Variants in RELN observed in about 807,000 individuals in gnomAD.
RELN encodes the protein reelin.
A neutral mutation model predicts 427.6 loss-of-function variants in RELN; 108 were observed. That is an observed-to-expected ratio of 0.25 (90% CI 0.22 to 0.30). The LOEUF (loss-of-function observed/expected upper bound fraction) is 0.30, where lower values mean the gene tolerates loss of function less well. Among genes scored for constraint, RELN ranks in the 10% least tolerant of loss-of-function variants. The pLI is 1.00. For synonymous variants in RELN, 1,524 were observed against 1,513.4 expected (o/e 1.01, Z -0.16); for missense variants, 3,715 against 4,302.8 (o/e 0.86, Z 3.82).
At chr7:103,827,587 T>C (rs1197408398) in intron 3 of RELN, among the ~76,000 whole-genome samples, 2 of 151,998 alleles carry the variant, frequency 1.3e-5, no homozygotes, top group African/African-American at 4.8e-5. Context: ...CATTAGACCC[T>C]GAACTTAGGC....
At chr7:103,694,816 T>C (rs1444400739) in intron 10 of RELN, among the ~76,000 whole-genome samples, 1 of 136,884 alleles carries the variant, frequency 7.3e-6, no homozygotes, top group Non-Finnish European at 1.6e-5. Context: ...TGCACCACCA[T>C]GCCTGGCTAG....
At chr7:103,909,684 AATAAAT>A (rs1795299813) in intron 2 of RELN, among the ~76,000 whole-genome samples, 1 of 75,124 alleles carries the variant, frequency 1.3e-5, no homozygotes, top group African/African-American at 7.2e-5. Context: ...AAATATATTT[AATAAAT>A]ATATATATTT....
chr7:103,705,204 A>G (rs897276908), intron 8 of RELN, among the ~76,000 whole-genome samples: 3 of 152,200 alleles, frequency 2.0e-5, no homozygotes, highest in African/African-American at 7.2e-5. Context: ...GCCAATTAAC[A>G]TATCCATCAC....
chr7:103,874,976 A>T (rs1794443770), intron 2 of RELN, among the ~76,000 whole-genome samples: 2 of 146,596 alleles, frequency 1.4e-5, no homozygotes, highest in African/African-American at 4.9e-5. Flanking sequence ...GGCTACAGTA[A>T]CCAAAACAGC....
rs527270419 is a variant in RELN at position 103,918,509 on chromosome 7, C to T, written c.227-1324G>A. Among the ~76,000 whole-genome samples, 73 of 152,210 alleles carry T rather than the reference C, an allele frequency of 4.8e-4. 1 individual carries two copies. In the South Asian group the frequency reaches 0.015, roughly 30 times the overall value. On this transcript the variant is annotated intron_variant, in intron 1 of 64. Coordinates refer to ENST00000428762, the MANE Select transcript of RELN (RefSeq NM_005045.4). The stretch of plus-strand genomic sequence containing the variant: ...TGGGTTATTTCCTGTTTCTTCTTTG[C>T]TCCCCTCAGATCCCAAAGTGGCAAA...
chr7:103,846,973 A>G (rs1266733637), intron 2 of RELN, among the ~76,000 whole-genome samples: 1 of 152,172 alleles, frequency 6.6e-6, no homozygotes, highest in African/African-American at 2.4e-5. Flanking sequence ...TGTTGGTGGG[A>G]GTGTAAATTA....
chr7:103,969,540 T>C (rs1796720945), intron 1 of RELN, among the ~76,000 whole-genome samples: 2 of 152,230 alleles, frequency 1.3e-5, no homozygotes, highest in Admixed American at 6.5e-5. Context: ...AAAAATTTTC[T>C]ATTAATAAAT....
At chr7:103,494,541 AT>A (rs35989965) in intron 57 of RELN, among the ~76,000 whole-genome samples, 56,878 of 125,576 alleles carry the variant, frequency 0.45, 14,257 homozygotes, top group Non-Finnish European at 0.58. Context: ...CGCCCAGCTA[AT>A]TTTTTTTTTT....
intron 2 of RELN, among the ~76,000 whole-genome samples, chr7:103,842,226 T>TA (rs1793568378): frequency 6.6e-6 from 1 of 151,620 alleles, no homozygotes; most frequent in Non-Finnish European, 1.5e-5. Flanking sequence ...GCTCTTTCTT[T>TA]AAAAGGGATA....
At chr7:103,801,312 CA>C (rs1792459092) in intron 3 of RELN, among the ~76,000 whole-genome samples, 1 of 152,142 alleles carries the variant, frequency 6.6e-6, no homozygotes, top group Non-Finnish European at 1.5e-5. Context: ...TTCACAATAG[CA>C]AAGACTTGGA....
Position 103,636,320 on chromosome 7 carries a change from C to T in RELN, c.2218G>A (p.Val740Ile). 5 of 1,614,028 alleles carry T rather than the reference C, an allele frequency of 3.1e-6. No individual in the cohort carries two copies. The East Asian group carries it at 1.1e-4, about 36-fold the overall frequency. ...RGAEVSFGCG[V>I]LASGKALVFN... ...ACCAGGGCCTTACCACTGGCCAAGA[C>T]ACCACAACCAAAGCTGACTTCAGCA... Residue 740 changes from valine (V) to isoleucine (I), a missense_variant, in exon 18 of 65, where the codon GTC becomes ATC. Val to Ile is a conservative substitution (Grantham distance 29). Coordinates refer to ENST00000428762, the MANE Select transcript of RELN (RefSeq NM_005045.4).
rs550606764 is a variant in RELN, at chr7:103,982,101, G to A, written c.226+7030C>T. Reference sequence around the variant, plus strand: ...GAATCGCCTGAACCCAGGAGGTGGAGGTTACAGTGAGCCGAAAAGGTGTCA... The same window carrying A: ...GAATCGCCTGAACCCAGGAGGTGGAAGTTACAGTGAGCCGAAAAGGTGTCA... On this transcript the variant is annotated intron_variant, in intron 1 of 64. Coordinates refer to ENST00000428762, the MANE Select transcript of RELN (RefSeq NM_005045.4). Among the ~76,000 whole-genome samples, 4 of 152,190 alleles carry A rather than the reference G, an allele frequency of 2.6e-5. No homozygotes were observed. In the South Asian group the frequency reaches 6.3e-4, roughly 24 times the overall value.
intron 50 of RELN, 125 bp downstream of exon 50, chr7:103,515,060 C>CT: frequency 8.3e-7 from 1 of 1,206,172 alleles, no homozygotes. Flanking sequence ...GGATGACACC[C>CT]TTTTCAGCGT....
chr7:103,520,957 A>ATTTTTTTTTTTTTTT (rs55830035), intron 48 of RELN, among the ~76,000 whole-genome samples: 6 of 79,210 alleles, frequency 7.6e-5, no homozygotes, highest in East Asian at 3.8e-4. Flanking sequence ...TAAATTTGTT[A>ATTTTTTTTTTTTTTT]TTTTTTTTTT....
chr7:103,947,187 A>G (rs1378493333), intron 1 of RELN, among the ~76,000 whole-genome samples: 2 of 152,166 alleles, frequency 1.3e-5, no homozygotes, highest in Non-Finnish European at 2.9e-5. Flanking sequence ...GACTCATTAT[A>G]CCTTACAACA....
intron 2 of RELN, among the ~76,000 whole-genome samples, chr7:103,871,495 C>T (rs913019491): frequency 2.4e-4 from 36 of 152,082 alleles, no homozygotes; most frequent in African/African-American, 7.7e-4. Flanking sequence ...CTACATTTGC[C>T]GTATTAATAG....
intron 46 of RELN, among the ~76,000 whole-genome samples, chr7:103,532,753 A>G (rs1829969230): frequency 6.6e-6 from 1 of 152,148 alleles, no homozygotes. Flanking sequence ...TTCAACCTTC[A>G]TATCTTACCT....
intron 8 of RELN, among the ~76,000 whole-genome samples, chr7:103,702,552 T>G (rs1834115777): frequency 6.6e-6 from 1 of 152,206 alleles, no homozygotes; most frequent in Non-Finnish European, 1.5e-5. Flanking sequence ...AATATGGCCT[T>G]GATGACAAAT....
In RELN at chr7:103,603,639, G is replaced by A. The variant is rs551893055; in HGVS notation, c.3147-149C>T. On this transcript the variant is annotated intron_variant, in intron 23 of 64. Transcript: ENST00000428762. The surrounding 1 kb of genome is among the most constrained non-coding windows in gnomAD (Gnocchi z 4.3). ...CCCTACAGTGTTAATCTGGGTATGC[G>A]GTAGTAACAACCCTCAGTTTTTCAT... 132 of 703,790 alleles carry A rather than the reference G, an allele frequency of 1.9e-4. No homozygotes were observed. In the East Asian group the frequency reaches 3.4e-3, roughly 18 times the overall value. 43.6% of individuals were successfully genotyped at this position (703,790 alleles called of 1,614,324 possible).
Sources: allele counts gnomAD v4.1 joint callset (sites outside exome capture counted in the v4.1 genomes callset), GRCh38; gene constraint gnomAD v4.1.1; non-coding constraint Gnocchi (gnomAD v3.1); transcripts MANE v1.5; gene names NCBI Gene and HGNC (gene_info 2026-07-23, HGNC 2026-07-21).